The following PIEZO2 variants were observed in gnomAD, a reference collection of about 807,000 sequenced individuals.
PIEZO2 encodes piezo type mechanosensitive ion channel component 2.
Under a neutral mutation model 337.3 loss-of-function variants are expected in PIEZO2, and 172 were observed. The ratio of observed to expected loss-of-function variants is 0.51; its 90% CI spans 0.45 to 0.58. The LOEUF is 0.58. Ranked by LOEUF, PIEZO2 falls within the 20% of genes least tolerant of loss-of-function variation. The pLI is 0.00. For synonymous variants in PIEZO2, 1,251 were observed against 1,228.5 expected (o/e 1.02, Z -0.38); for missense variants, 3,028 against 3,391.3 (o/e 0.89, Z 2.66).
chr18:10,818,129 G>A (rs556763950), intron 7 of PIEZO2, among the ~76,000 whole-genome samples: 41 of 152,068 alleles, frequency 2.7e-4, no homozygotes, highest in Non-Finnish European at 5.0e-4. Context: ...CAAGGAGATA[G>A]AAATCACAAT....
At chr18:11,034,459 A>AT (rs1568315182) in intron 2 of PIEZO2, among the ~76,000 whole-genome samples, 5 of 151,736 alleles carry the variant, frequency 3.3e-5, no homozygotes, top group Admixed American at 2.6e-4. Context: ...CGCCAGGCTA[A>AT]TTTTTTTGTA....
intron 7 of PIEZO2, among the ~76,000 whole-genome samples, chr18:10,826,050 C>A (rs2040667836): frequency 6.6e-6 from 1 of 152,146 alleles, no homozygotes; most frequent in African/African-American, 2.4e-5. Context: ...TACTCCAATA[C>A]AACTTTATTT....
chr18:10,918,314 A>T (rs1429646567), intron 3 of PIEZO2, among the ~76,000 whole-genome samples: 22 of 151,996 alleles, frequency 1.4e-4, no homozygotes, highest in Non-Finnish European at 2.5e-4. Context: ...TTAATGACAC[A>T]TTGTTTTTTA....
At chr18:10,901,459 C>T (rs2043047900) in intron 4 of PIEZO2, among the ~76,000 whole-genome samples, 1 of 147,990 alleles carries the variant, frequency 6.8e-6, no homozygotes, top group Non-Finnish European at 1.5e-5. Context: ...CACACACACA[C>T]TGCAGGTGAC....
chr18:10,940,263 G>A lies in PIEZO2; in HGVS notation c.287-29035C>T, dbSNP rs2145244143. On this transcript the variant is annotated intron_variant, in intron 3 of 55. Transcript: ENST00000674853. This position sits in a 1 kb window ranked among gnomAD's most constrained non-coding sequence, Gnocchi z 5.3. ...ATTAGTGAGTACCTCATAAAGCCCT[G>A]GCATGAATTGGTAATAAAAATCTAG... 6.6e-6 allele frequency among the ~76,000 whole-genome samples: 1 copy of A among 152,274 alleles called. No individual in the cohort carries two copies. The highest frequency in any genetic ancestry group is 1.5e-5 in the Non-Finnish European group (1 of 68,030).
At chr18:10,959,844 C>A (rs1182845719) in intron 3 of PIEZO2, among the ~76,000 whole-genome samples, 1 of 152,110 alleles carries the variant, frequency 6.6e-6, no homozygotes, top group Non-Finnish European at 1.5e-5. Flanking sequence ...CATCACGAAG[C>A]ATTTTTATGT....
At position 10,784,611 on chromosome 18, in the gene PIEZO2, G is replaced by A. The variant is rs561356655; in HGVS notation, c.2492+173C>T. Among the ~76,000 whole-genome samples, 1 of 152,260 alleles carries A rather than the reference G, an allele frequency of 6.6e-6. No homozygotes were observed. Among genetic ancestry groups the A allele is most frequent in the South Asian group, 2.1e-4 (1 of 4,822 alleles). ...AAGTCACTACCCATTGTTTCAGAAC[G>A]TGTCACAGAATCTTCCACATGTTTT... On this transcript the variant is annotated intron_variant, in intron 17 of 55. Coordinates refer to ENST00000674853, the MANE Select transcript of PIEZO2 (RefSeq NM_001378183.1). This position sits in a 1 kb window ranked among gnomAD's most constrained non-coding sequence, Gnocchi z 4.5.
At chr18:10,709,357 T>C (rs2035723502) in intron 39 of PIEZO2, 1 of 152,216 alleles carries the variant, frequency 6.6e-6, no homozygotes, top group East Asian at 1.9e-4. Context: ...ATAGTTTCAG[T>C]TCCCACACAT....
intron 1 of PIEZO2, among the ~76,000 whole-genome samples, chr18:11,103,153 A>G (rs1598963660): frequency 6.6e-6 from 1 of 152,252 alleles, no homozygotes; most frequent in African/African-American, 2.4e-5. Flanking sequence ...ATCACATGAC[A>G]TAATTGTTCA....
rs992836171 is a variant in PIEZO2, at chr18:10,854,068, AT to A, written c.917+1284del. 1.2e-3 allele frequency among the ~76,000 whole-genome samples: 180 copies of A among 150,210 alleles called. 2 individuals carry two copies. The highest frequency in any genetic ancestry group is 2.0e-3 in the African/African-American group (83 of 41,020). On this transcript the variant is annotated intron_variant, in intron 7 of 55. Transcript: ENST00000674853. The surrounding 1 kb of genome is among the most constrained non-coding windows in gnomAD (Gnocchi z 4.6). ...CTATGCAGGCCTCTTTTCCATGCTG[AT>A]TTTTTTTTTAAAGACCCATTCATTT...
At chr18:10,758,511 T>C (rs184995719) in intron 26 of PIEZO2, among the ~76,000 whole-genome samples, 1 of 152,178 alleles carries the variant, frequency 6.6e-6, no homozygotes, top group East Asian at 1.9e-4. Context: ...AGTGGTGCGA[T>C]CTTGGCTCAC....
chr18:10,939,339 C>CACAAAAGTGGTACCTGTCTAATAAAAA (rs1399187589), intron 3 of PIEZO2, among the ~76,000 whole-genome samples: 1 of 152,138 alleles, frequency 6.6e-6, no homozygotes, highest in South Asian at 2.1e-4. Flanking sequence ...CTAGTTCAAC[C>CACAAAAGTGGTACCTGTCTAATAAAAA]ATTGTGGAAG....
intron 2 of PIEZO2, among the ~76,000 whole-genome samples, chr18:10,983,395 A>T (rs2034744559): frequency 6.6e-6 from 1 of 152,168 alleles, no homozygotes; most frequent in African/African-American, 2.4e-5. Context: ...TCAAGGTGGC[A>T]CAACTTGGTA....
At chr18:10,842,007 T>C (rs980662362) in intron 7 of PIEZO2, among the ~76,000 whole-genome samples, 1 of 151,958 alleles carries the variant, frequency 6.6e-6, no homozygotes, top group Admixed American at 6.6e-5. Context: ...AATACAAAAA[T>C]TAGCTGGGCA....
chr18:11,011,215 T>C (rs1567157), intron 2 of PIEZO2, among the ~76,000 whole-genome samples: 44,207 of 152,102 alleles, frequency 0.29, 6,954 homozygotes, highest in Non-Finnish European at 0.36. Context: ...CCTTATTCAG[T>C]CATCTATTCA....
chr18:10,911,850 C>T (rs1036097526), intron 3 of PIEZO2, among the ~76,000 whole-genome samples: 1 of 152,070 alleles, frequency 6.6e-6, no homozygotes, highest in East Asian at 1.9e-4. Flanking sequence ...CATTAGGCCA[C>T]GCCAATAATT....
At chr18:10,814,438 AT>A (rs1256270603) in intron 7 of PIEZO2, among the ~76,000 whole-genome samples, 1 of 152,194 alleles carries the variant, frequency 6.6e-6, no homozygotes, top group African/African-American at 2.4e-5. Flanking sequence ...TAATCTTCTC[AT>A]TTTTAACCCC....
chr18:10,845,056 T>C (rs1249855178), intron 7 of PIEZO2, among the ~76,000 whole-genome samples: 1 of 152,180 alleles, frequency 6.6e-6, no homozygotes, highest in Non-Finnish European at 1.5e-5. Context: ...ATGAGGACAA[T>C]GTATTTAACT....
chr18:10,995,077 C>CAAAAAAAAAAAAAAG (rs2035263097), intron 2 of PIEZO2, among the ~76,000 whole-genome samples: 2 of 28,296 alleles, frequency 7.1e-5, no homozygotes, highest in East Asian at 7.6e-4. Flanking sequence ...GACTCCGTCT[C>CAAAAAAAAAAAAAAG]AAAAAAAAAA....
Sources: allele counts gnomAD v4.1 joint callset (sites outside exome capture counted in the v4.1 genomes callset), GRCh38; gene constraint gnomAD v4.1.1; non-coding constraint Gnocchi (gnomAD v3.1); transcripts MANE v1.5; gene names NCBI Gene and HGNC (gene_info 2026-07-23, HGNC 2026-07-21).